GNG12: variants seen among roughly 807,000 people sequenced by gnomAD.
The protein encoded by GNG12 is guanine nucleotide-binding protein G(I)/G(S)/G(O) subunit gamma-12.
For missense variants in GNG12, 69 were observed against 83.8 expected, an observed-to-expected ratio of 0.82 and a Z score of 0.69; for synonymous variants, 28 against 29.7, an observed-to-expected ratio of 0.94 and a Z score of 0.19.
intron 1 of GNG12, among the ~76,000 whole-genome samples, chr1:67,817,787 C>CTTTTTTTTTTTTTTTTT (rs66518207): frequency 1.1e-4 from 12 of 108,258 alleles, no homozygotes; most frequent in African/African-American, 1.5e-4. Context: ...TTCTTTCTTT[C>CTTTTTTTTTTTTTTTTT]TTTTTTTTTT....
At chr1:67,731,514 C>A (rs1039280503) in intron 2 of GNG12, among the ~76,000 whole-genome samples, 2 of 152,132 alleles carry the variant, frequency 1.3e-5, no homozygotes, top group African/African-American at 2.4e-5. Flanking sequence ...GGATCTGGAG[C>A]TAGAAGGAAA....
intron 2 of GNG12, among the ~76,000 whole-genome samples, chr1:67,774,233 G>A (rs1168069149): frequency 6.6e-6 from 1 of 152,190 alleles, no homozygotes; most frequent in Non-Finnish European, 1.5e-5. Flanking sequence ...TCAGAGGTAA[G>A]TCTGTGGGAA....
Position 67,784,077 on chromosome 1 carries a change from C to G in GNG12, c.-76-6570G>C, listed in dbSNP as rs530465783. Among the ~76,000 whole-genome samples the G allele has an allele frequency of 4.9e-3, 735 of 150,758 alleles. 3 individuals carry two copies. The highest frequency in any genetic ancestry group is 0.017 in the African/African-American group (709 of 40,998). Reference sequence around the variant, plus strand: ...ACTTGGAACCAACCCAAATGTCCAACAATGATAGACTGGATTAAGAAAATG... The same window carrying G: ...ACTTGGAACCAACCCAAATGTCCAAGAATGATAGACTGGATTAAGAAAATG... On this transcript the variant is annotated intron_variant, in intron 1 of 3. Coordinates refer to ENST00000370982, the MANE Select transcript of GNG12 (RefSeq NM_018841.6).
At chr1:67,748,994 A>T (rs1646523249) in intron 2 of GNG12, among the ~76,000 whole-genome samples, 1 of 150,884 alleles carries the variant, frequency 6.6e-6, no homozygotes, top group Non-Finnish European at 1.5e-5. Context: ...AAAAAAAAAA[A>T]TCATCTCTGA....
chr1:67,805,816 A>G (rs576598437), intron 1 of GNG12, among the ~76,000 whole-genome samples: 20 of 151,586 alleles, frequency 1.3e-4, no homozygotes, highest in African/African-American at 4.8e-4. Context: ...AGAAACACCA[A>G]TCAGAATAAA....
At chr1:67,777,909 G>A (rs1315970090) in intron 1 of GNG12, among the ~76,000 whole-genome samples, 1 of 152,134 alleles carries the variant, frequency 6.6e-6, no homozygotes, top group African/African-American at 2.4e-5. Flanking sequence ...AAGGGCAGAG[G>A]AGGAGTGTAT....
chr1:67,708,977 G>A lies in GNG12; in HGVS notation c.-26-1265C>T, dbSNP rs531656965. ...ACCCAGACTCCAGGGCATCCATCAC[G>A]TGGGCACCACGGTGCTCCACACTGA... On this transcript the variant is annotated intron_variant, in intron 2 of 3. Transcript: ENST00000370982. Among the ~76,000 whole-genome samples the A allele has an allele frequency of 2.6e-5, 4 of 152,280 alleles. No individual in the cohort carries two copies. The South Asian group carries it at 6.2e-4, about 24-fold the overall frequency.
At chr1:67,805,310 A>G (rs1160783117) in intron 1 of GNG12, among the ~76,000 whole-genome samples, 1 of 152,218 alleles carries the variant, frequency 6.6e-6, no homozygotes, top group African/African-American at 2.4e-5. Context: ...AAGGCATACT[A>G]AAAGACAAAA....
chr1:67,756,037 G>A lies in GNG12; in HGVS notation c.-27+21421C>T, dbSNP rs535024459. On this transcript the variant is annotated intron_variant, in intron 2 of 3. Transcript: ENST00000370982. ...TGTGCTGAATGCCCATCTTACTTGT[G>A]CCTGGCCCTGGGGCTCAGCCAGGTA... 2.4e-3 allele frequency among the ~76,000 whole-genome samples: 370 copies of A among 152,280 alleles called. 2 individuals carry two copies. The highest frequency in any genetic ancestry group is 8.6e-3 in the African/African-American group (358 of 41,562).
At chr1:67,815,827 C>T (rs868760665) in intron 1 of GNG12, among the ~76,000 whole-genome samples, 6 of 152,102 alleles carry the variant, frequency 3.9e-5, no homozygotes, top group East Asian at 1.9e-4. Context: ...GACTCCTCAG[C>T]GGCCAAATCC....
chr1:67,833,342 AC>A lies in GNG12; in HGVS notation c.-77+1del. 1.0e-6 allele frequency: 1 copy of A among 975,090 alleles called. No individual in the cohort carries two copies. The highest frequency in any genetic ancestry group is 1.2e-6 in the Non-Finnish European group (1 of 822,686). The allele number at this position is 975,090 out of a possible 1,614,324, so 60.4% of individuals were successfully genotyped here. A position where few individuals can be genotyped will look rare whatever the true frequency, so the allele number is the denominator to read the frequency against. On this transcript the variant is annotated splice_donor_variant, in intron 1 of 3. Coordinates refer to ENST00000370982, the MANE Select transcript of GNG12 (RefSeq NM_018841.6). LOFTEE classifies it low-confidence loss of function (5UTR_SPLICE). Reference sequence around the variant, plus strand: ...CACCCGCGCCCGCCGCTTGGTACTCACCCGCCTGCCGGTGCGCTGCCCCGCC... The same window carrying A: ...CACCCGCGCCCGCCGCTTGGTACTCACCGCCTGCCGGTGCGCTGCCCCGCC...
At chr1:67,813,579 C>T (rs1646938037) in intron 1 of GNG12, among the ~76,000 whole-genome samples, 1 of 152,124 alleles carries the variant, frequency 6.6e-6, no homozygotes, top group African/African-American at 2.4e-5. Flanking sequence ...GCAGAGGCCA[C>T]ATTTAACACT....
chr1:67,760,079 T>G (rs1024047552), intron 2 of GNG12, among the ~76,000 whole-genome samples: 6 of 152,240 alleles, frequency 3.9e-5, no homozygotes, highest in Non-Finnish European at 7.3e-5. Context: ...ATACCAGAAG[T>G]AGCCCTCATA....
chr1:67,719,352 T>C (rs1025890542), intron 2 of GNG12, among the ~76,000 whole-genome samples: 9 of 152,332 alleles, frequency 5.9e-5, no homozygotes, highest in African/African-American at 1.7e-4. Flanking sequence ...CATGCTTACA[T>C]CTTATGGGTT....
At chr1:67,747,318 C>T (rs1646513155) in intron 2 of GNG12, among the ~76,000 whole-genome samples, 1 of 152,108 alleles carries the variant, frequency 6.6e-6, no homozygotes, top group South Asian at 2.1e-4. Context: ...TGGGGTTTCA[C>T]CATATTGGCC....
intron 1 of GNG12, among the ~76,000 whole-genome samples, 166 bp downstream of exon 1, chr1:67,833,178 G>A (rs1570586024): frequency 6.7e-6 from 1 of 149,996 alleles, no homozygotes; most frequent in African/African-American, 2.4e-5. Context: ...CCCTCCAGCA[G>A]GACACTCTTC....
intron 1 of GNG12, among the ~76,000 whole-genome samples, chr1:67,825,648 G>A (rs1647006912): frequency 1.3e-5 from 2 of 152,186 alleles, no homozygotes; most frequent in African/African-American, 4.8e-5. Context: ...TTTTCCAGAA[G>A]CAGCAGCTAC....
chr1:67,731,517 G>A (rs1646419948), intron 2 of GNG12, among the ~76,000 whole-genome samples: 1 of 152,200 alleles, frequency 6.6e-6, no homozygotes, highest in African/African-American at 2.4e-5. Context: ...TCTGGAGCTA[G>A]AAGGAAAGTG....
At chr1:67,774,026 C>T (rs1010965640) in intron 2 of GNG12, among the ~76,000 whole-genome samples, 1 of 152,182 alleles carries the variant, frequency 6.6e-6, no homozygotes, top group African/African-American at 2.4e-5. Flanking sequence ...CCGAGGCAGT[C>T]GTCATTGTTT....
Sources: gnomAD v4.1 joint callset for allele counts (sites outside exome capture counted in the v4.1 genomes callset) on GRCh38, gnomAD v4.1.1 for gene constraint, MANE v1.5 for transcripts, NCBI Gene and HGNC (gene_info 2026-07-23, HGNC 2026-07-21) for gene names.